VTI1A: variants seen among roughly 807,000 people sequenced by gnomAD.
VTI1A encodes vesicle transport through interaction with t-SNAREs 1A.
A neutral mutation model predicts 34.9 loss-of-function variants in VTI1A; 22 were observed. The ratio of observed to expected loss-of-function variants is 0.63; its 90% CI spans 0.45 to 0.90. VTI1A has a LOEUF of 0.90. VTI1A is among the 40% of genes least tolerant of loss of function. The probability of loss-of-function intolerance (pLI) is 0.00; values close to 1 mark genes in which losing one functional copy is unlikely to be tolerated. For missense variants in VTI1A, 268 were observed against 275.6 expected, an observed-to-expected ratio of 0.97 and a Z score of 0.20; for synonymous variants, 87 against 97.3, an observed-to-expected ratio of 0.89 and a Z score of 0.62.
chr10:112,482,351 G>A (rs979525006), intron 3 of VTI1A, among the ~76,000 whole-genome samples: 1 of 152,072 alleles, frequency 6.6e-6, no homozygotes, highest in African/African-American at 2.4e-5. Context: ...TGTACCCTCA[G>A]GTGGATTCTG....
At chr10:112,568,273 G>T (rs1026673418) in intron 5 of VTI1A, among the ~76,000 whole-genome samples, 1 of 152,108 alleles carries the variant, frequency 6.6e-6, no homozygotes, top group African/African-American at 2.4e-5. Context: ...TTGAGAGGCC[G>T]AGGTGGGCAG....
intron 3 of VTI1A, among the ~76,000 whole-genome samples, chr10:112,518,202 T>C (rs939315633): frequency 2.6e-5 from 4 of 152,004 alleles, no homozygotes; most frequent in Non-Finnish European, 5.9e-5. Flanking sequence ...AGTTATTGCA[T>C]GTAAAATAGT....
intron 5 of VTI1A, among the ~76,000 whole-genome samples, chr10:112,658,287 A>G (rs1847311689): frequency 6.6e-6 from 1 of 151,902 alleles, no homozygotes. Context: ...TGATCTCACT[A>G]TGTTGCTCAG....
rs537218876 is a variant in VTI1A at position 112,543,296 on chromosome 10, A to T, written c.427+4966A>T. Reference sequence around the variant, plus strand: ...TGAACTAGTTTACAGTCCCACCAACAGTGTAAAAGTGTTCCTATTTCTCCA... The same window carrying T: ...TGAACTAGTTTACAGTCCCACCAACTGTGTAAAAGTGTTCCTATTTCTCCA... On this transcript the variant is annotated intron_variant, in intron 5 of 7. Coordinates refer to ENST00000393077, the MANE Select transcript of VTI1A (RefSeq NM_145206.4). Among the ~76,000 whole-genome samples, 3 of 152,288 alleles carry T rather than the reference A, an allele frequency of 2.0e-5. No homozygotes were observed. In the East Asian group the frequency reaches 5.8e-4, roughly 29 times the overall value.
intron 7 of VTI1A, among the ~76,000 whole-genome samples, chr10:112,754,135 G>A (rs1185457134): frequency 3.3e-5 from 5 of 152,226 alleles, no homozygotes; most frequent in Non-Finnish European, 7.3e-5. Context: ...CCCAAAGCAA[G>A]CACGTAGAGG....
intron 5 of VTI1A, among the ~76,000 whole-genome samples, chr10:112,630,008 A>AC (rs1273668607): frequency 6.6e-6 from 1 of 151,948 alleles, no homozygotes; most frequent in African/African-American, 2.4e-5. Context: ...GTTGAGAGGG[A>AC]CTCTAGTATG....
intron 5 of VTI1A, among the ~76,000 whole-genome samples, chr10:112,627,095 A>G (rs1007151226): frequency 2.6e-5 from 4 of 152,242 alleles, no homozygotes; most frequent in Admixed American, 6.5e-5. Flanking sequence ...TCTCAGCTCT[A>G]TCTCAAGATG....
At chr10:112,480,891 G>T (rs527565616) in intron 3 of VTI1A, among the ~76,000 whole-genome samples, 7 of 152,294 alleles carry the variant, frequency 4.6e-5, no homozygotes, top group African/African-American at 1.7e-4. Context: ...GCATCAGAAG[G>T]TTTTTCTAAA....
chr10:112,485,996 T>G (rs1453229316), intron 3 of VTI1A, among the ~76,000 whole-genome samples: 1 of 152,218 alleles, frequency 6.6e-6, no homozygotes, highest in Non-Finnish European at 1.5e-5. Context: ...TTTTGTAGCA[T>G]CCTTTTATTT....
chr10:112,811,084 A>G (rs1041892566), intron 7 of VTI1A, among the ~76,000 whole-genome samples: 3 of 152,202 alleles, frequency 2.0e-5, no homozygotes, highest in African/African-American at 7.2e-5. Context: ...CTCAGGGTAA[A>G]AGAGCTTATG....
chr10:112,454,126 G>C (rs563316941), intron 1 of VTI1A, among the ~76,000 whole-genome samples: 1 of 152,234 alleles, frequency 6.6e-6, no homozygotes, highest in Admixed American at 6.5e-5. Context: ...TCCTCTCTTA[G>C]TGGTTTGACC....
intron 7 of VTI1A, among the ~76,000 whole-genome samples, chr10:112,786,764 C>T (rs1852301512): frequency 6.6e-6 from 1 of 152,118 alleles, no homozygotes; most frequent in Admixed American, 6.5e-5. Flanking sequence ...TTAAATCAAC[C>T]TTGCATTTCT....
intron 5 of VTI1A, among the ~76,000 whole-genome samples, chr10:112,660,607 A>G (rs754366324): frequency 6.6e-6 from 1 of 152,188 alleles, no homozygotes; most frequent in African/African-American, 2.4e-5. Flanking sequence ...GCATTCTCCA[A>G]TACAGTGACC....
intron 7 of VTI1A, among the ~76,000 whole-genome samples, chr10:112,722,814 C>T (rs1456431519): frequency 6.6e-6 from 1 of 152,108 alleles, no homozygotes; most frequent in African/African-American, 2.4e-5. Context: ...TTACATGAAA[C>T]CAGAGTTAAG....
chr10:112,592,138 A>G (rs911657795), intron 5 of VTI1A, among the ~76,000 whole-genome samples: 9 of 152,172 alleles, frequency 5.9e-5, no homozygotes, highest in Non-Finnish European at 1.2e-4. Flanking sequence ...TTCAGCCAGT[A>G]ACCAGAAGGA....
intron 7 of VTI1A, among the ~76,000 whole-genome samples, chr10:112,678,109 A>G (rs1024464736): frequency 5.9e-5 from 9 of 152,236 alleles, no homozygotes; most frequent in Non-Finnish European, 8.8e-5. Flanking sequence ...TAACTTCCCA[A>G]TAAGAGAATA....
chr10:112,830,621 A>G, the VTI1A span, among the ~76,000 whole-genome samples: 3 of 150,318 alleles, frequency 2.0e-5, no homozygotes, highest in Non-Finnish European at 4.4e-5. Flanking sequence ...TGGATCACTT[A>G]GGCTGTGGGT....
the VTI1A span, among the ~76,000 whole-genome samples, chr10:112,835,612 T>C: frequency 6.6e-6 from 1 of 152,328 alleles, no homozygotes; most frequent in African/African-American, 2.4e-5. Flanking sequence ...GGGGAACATA[T>C]TACCTTTCAT....
chr10:112,854,264 T>C, the VTI1A span, among the ~76,000 whole-genome samples: 1 of 152,236 alleles, frequency 6.6e-6, no homozygotes. Context: ...CTGCTGTTTA[T>C]TGCTTCCTGT....
Sources: gnomAD v4.1 joint callset for allele counts (sites outside exome capture counted in the v4.1 genomes callset) on GRCh38, gnomAD v4.1.1 for gene constraint, MANE v1.5 for transcripts, NCBI Gene and HGNC (gene_info 2026-07-23, HGNC 2026-07-21) for gene names.